Variants in SEMA3A observed in about 807,000 individuals in gnomAD.
The protein encoded by SEMA3A is semaphorin-3A.
A neutral mutation model predicts 97.9 loss-of-function variants in SEMA3A; 29 were observed. The observed-to-expected ratio is 0.30, with a 90% CI of 0.22 to 0.40. The LOEUF is 0.40. SEMA3A is among the 10% of genes least tolerant of loss of function. The pLI, the probability that SEMA3A is intolerant of heterozygous loss-of-function variation, is 1.00. For missense variants in SEMA3A, 763 were observed against 951.3 expected (o/e 0.80, Z 2.60); for synonymous variants, 321 against 323.7 (o/e 0.99, Z 0.09).
At chr7:84,398,799 C>T (rs1056382764) in intron 1 of SEMA3A, among the ~76,000 whole-genome samples, 1 of 151,676 alleles carries the variant, frequency 6.6e-6, no homozygotes, top group African/African-American at 2.4e-5. Flanking sequence ...CAGAGTGAGA[C>T]TGTTTCTTAA....
At chr7:84,117,297 T>C (rs912922587) in intron 3 of SEMA3A, among the ~76,000 whole-genome samples, 1 of 152,176 alleles carries the variant, frequency 6.6e-6, no homozygotes, top group African/African-American at 2.4e-5. Flanking sequence ...TGTTACTTAT[T>C]GAAGGATATT....
At chr7:84,145,396 G>A (rs1360298956) in intron 1 of SEMA3A, among the ~76,000 whole-genome samples, 1 of 151,988 alleles carries the variant, frequency 6.6e-6, no homozygotes, top group African/African-American at 2.4e-5. Context: ...TGACTCAAAT[G>A]TAATTTGAAC....
At chr7:84,024,276 A>G (rs1791458047) in intron 6 of SEMA3A, among the ~76,000 whole-genome samples, 1 of 152,148 alleles carries the variant, frequency 6.6e-6, no homozygotes. Context: ...GCGGTGGCTC[A>G]CGCCTGTAAT....
At chr7:84,408,425 A>T (rs1361023370) in intron 1 of SEMA3A, among the ~76,000 whole-genome samples, 1 of 151,156 alleles carries the variant, frequency 6.6e-6, no homozygotes, top group African/African-American at 2.4e-5. Context: ...AGAAATAGGA[A>T]CACTTTTACA....
chr7:84,386,725 A>G (rs1440479820), intron 1 of SEMA3A, among the ~76,000 whole-genome samples: 2 of 152,098 alleles, frequency 1.3e-5, no homozygotes, highest in Non-Finnish European at 2.9e-5. Context: ...TTCTTTTATA[A>G]AGTCAATTAT....
chr7:84,144,150 G>GA (rs1434721680), intron 1 of SEMA3A, among the ~76,000 whole-genome samples: 2 of 151,604 alleles, frequency 1.3e-5, no homozygotes, highest in African/African-American at 4.8e-5. Flanking sequence ...GTCAAGATAT[G>GA]AAAAAATAAT....
At chr7:84,079,849 C>T (rs1399928362) in intron 4 of SEMA3A, among the ~76,000 whole-genome samples, 2 of 142,360 alleles carry the variant, frequency 1.4e-5, no homozygotes, top group Non-Finnish European at 3.0e-5. Context: ...CATCCCATTA[C>T]TGGGTATATA....
chr7:84,488,321 C>CACAT (rs1396719277), intron 1 of SEMA3A, among the ~76,000 whole-genome samples: 1 of 147,876 alleles, frequency 6.8e-6, no homozygotes, highest in East Asian at 2.0e-4. Context: ...CGTATATACA[C>CACAT]ACACACACAC....
intron 1 of SEMA3A, among the ~76,000 whole-genome samples, chr7:84,137,977 C>T (rs1471492559): frequency 6.6e-6 from 1 of 152,032 alleles, no homozygotes; most frequent in Non-Finnish European, 1.5e-5. Context: ...ACTCCCTGGT[C>T]CCAAGTTTTA....
At chr7:84,071,107 T>C (rs548153162) in intron 4 of SEMA3A, among the ~76,000 whole-genome samples, 1 of 152,162 alleles carries the variant, frequency 6.6e-6, no homozygotes, top group Non-Finnish European at 1.5e-5. Flanking sequence ...TGTGCAATAC[T>C]ACAGTCACAC....
chr7:84,448,518 T>C (rs1805482526), intron 1 of SEMA3A, among the ~76,000 whole-genome samples: 1 of 152,030 alleles, frequency 6.6e-6, no homozygotes, highest in Non-Finnish European at 1.5e-5. Context: ...AATCTGTTAG[T>C]GTATAGAAAA....
At chr7:84,055,479 C>CTGGAAAGGTCACCCCTGGAAAG (rs748611785) in intron 5 of SEMA3A, among the ~76,000 whole-genome samples, 94 of 152,124 alleles carry the variant, frequency 6.2e-4, no homozygotes, top group Non-Finnish European at 1.2e-3. Flanking sequence ...AGGTGCCATC[C>CTGGAAAGGTCACCCCTGGAAAG]GTCACCCCTT....
At position 83,957,217 on chromosome 7, in the gene SEMA3A, A is replaced by G. The variant is rs28776821; in HGVS notation, c.*4154T>C. 0.16 allele frequency: 23,857 copies of G among 152,076 alleles called. 2,195 individuals carry two copies. The highest frequency in any genetic ancestry group is 0.21 in the Non-Finnish European group (14,137 of 67,958). The allele number at this position is 152,076 out of a possible 1,614,324, so 9.4% of individuals were successfully genotyped here. A position where few individuals can be genotyped will look rare whatever the true frequency, so the allele number is the denominator to read the frequency against. ...GTCCCTAGCTTGAACTAGGGATGGGAGGATTAGGAAAGACTTGCTGGATTA... is the reference window on the plus strand; with the variant it reads ...GTCCCTAGCTTGAACTAGGGATGGGGGGATTAGGAAAGACTTGCTGGATTA... On this transcript the variant is annotated 3_prime_UTR_variant, in exon 17 of 17. Coordinates refer to ENST00000265362, the MANE Select transcript of SEMA3A (RefSeq NM_006080.3).
chr7:84,372,747 A>C (rs955843043), intron 1 of SEMA3A, among the ~76,000 whole-genome samples: 2 of 152,150 alleles, frequency 1.3e-5, no homozygotes, highest in African/African-American at 4.8e-5. Context: ...AATATAGGTT[A>C]GTTTTTAAGT....
chr7:84,380,469 G>T (rs1244443353), intron 1 of SEMA3A, among the ~76,000 whole-genome samples: 1 of 152,166 alleles, frequency 6.6e-6, no homozygotes, highest in African/African-American at 2.4e-5. Flanking sequence ...TTCAGAGGAG[G>T]TGATGGTTTT....
chr7:84,160,193 T>C (rs1035375826), intron 1 of SEMA3A, among the ~76,000 whole-genome samples: 5 of 152,028 alleles, frequency 3.3e-5, no homozygotes, highest in Non-Finnish European at 5.9e-5. Context: ...CTATAGACTA[T>C]TTAGTGAGAT....
At chr7:84,342,598 T>C (rs1298093907) in intron 2 of SEMA3A, among the ~76,000 whole-genome samples, 1 of 152,208 alleles carries the variant, frequency 6.6e-6, no homozygotes, top group Non-Finnish European at 1.5e-5. Flanking sequence ...CACGTGTGTT[T>C]GTGTGTACAA....
intron 1 of SEMA3A, among the ~76,000 whole-genome samples, chr7:84,149,822 A>G (rs916634226): frequency 3.3e-5 from 5 of 152,338 alleles, no homozygotes; most frequent in Non-Finnish European, 7.3e-5. Context: ...AGACACTAGC[A>G]TTAGTTTGAA....
chr7:84,229,593 T>C (rs1016132711), intron 3 of SEMA3A, among the ~76,000 whole-genome samples: 7 of 152,100 alleles, frequency 4.6e-5, no homozygotes, highest in Admixed American at 3.3e-4. Context: ...TTTTTCAGTG[T>C]CTTCAAGTCT....
Sources: allele counts gnomAD v4.1 joint callset (sites outside exome capture counted in the v4.1 genomes callset), GRCh38; gene constraint gnomAD v4.1.1; transcripts MANE v1.5; gene names NCBI Gene and HGNC (gene_info 2026-07-23, HGNC 2026-07-21).